The following TRPM3 variants were observed in gnomAD, a reference collection of about 807,000 sequenced individuals.
The protein encoded by TRPM3 is transient receptor potential cation channel subfamily M member 3, also known as long transient receptor potential channel 3.
In TRPM3, 77 loss-of-function variants were observed where a neutral mutation model predicts 181.2. The ratio of observed to expected loss-of-function variants is 0.42; its 90% CI spans 0.35 to 0.51. The LOEUF (loss-of-function observed/expected upper bound fraction) is 0.51, where lower values mean the gene tolerates loss of function less well. Among genes scored for constraint, TRPM3 ranks in the 20% least tolerant of loss-of-function variants. The probability of loss-of-function intolerance (pLI) is 0.01; values close to 1 mark genes in which losing one functional copy is unlikely to be tolerated. For synonymous variants in TRPM3, 745 were observed against 796.4 expected (o/e 0.94, Z 1.09); for missense variants, 1,759 against 2,196.7 (o/e 0.80, Z 3.98).
At chr9:71,372,186 C>A (rs1249585410) in intron 1 of TRPM3, among the ~76,000 whole-genome samples, 2 of 152,140 alleles carry the variant, frequency 1.3e-5, no homozygotes, top group Non-Finnish European at 2.9e-5. Context: ...GCACAGTACT[C>A]CATTATATAT....
intron 1 of TRPM3, among the ~76,000 whole-genome samples, chr9:71,316,168 T>C (rs2088570537): frequency 6.6e-6 from 1 of 152,208 alleles, no homozygotes; most frequent in African/African-American, 2.4e-5. Flanking sequence ...GATTGCTCTA[T>C]GTGCAAAGTG....
At chr9:71,139,214 A>C (rs1214288861) in intron 1 of TRPM3, among the ~76,000 whole-genome samples, 4 of 152,214 alleles carry the variant, frequency 2.6e-5, no homozygotes, top group East Asian at 1.9e-4. Context: ...AATTGATGGG[A>C]ACAGCATATT....
intron 1 of TRPM3, among the ~76,000 whole-genome samples, chr9:71,038,943 T>A (rs2058513551): frequency 6.6e-6 from 1 of 152,116 alleles, no homozygotes; most frequent in South Asian, 2.1e-4. Flanking sequence ...GAGGCAGTGG[T>A]AAAACAGTAT....
intron 9 of TRPM3, among the ~76,000 whole-genome samples, chr9:70,678,623 A>G (rs374195348): frequency 2.0e-4 from 30 of 152,290 alleles, no homozygotes; most frequent in African/African-American, 7.0e-4. Context: ...CTAGGGACCA[A>G]TGGGTCATTT....
chr9:70,837,319 C>G (rs1432629176), intron 5 of TRPM3, among the ~76,000 whole-genome samples: 1 of 152,108 alleles, frequency 6.6e-6, no homozygotes, highest in Non-Finnish European at 1.5e-5. Context: ...AAGATGGCAT[C>G]AAAAGAGCAC....
intron 9 of TRPM3, among the ~76,000 whole-genome samples, chr9:70,659,823 G>C (rs1382643707): frequency 1.3e-5 from 2 of 152,064 alleles, no homozygotes; most frequent in African/African-American, 2.4e-5. Flanking sequence ...AAAGCCCTGT[G>C]AACTGAAGCT....
At chr9:70,955,040 T>G (rs2097051740) in intron 1 of TRPM3, among the ~76,000 whole-genome samples, 2 of 152,202 alleles carry the variant, frequency 1.3e-5, no homozygotes. Context: ...CTATAGCTTC[T>G]GTGTATTTCC....
At chr9:71,140,180 C>T (rs975749098) in intron 1 of TRPM3, among the ~76,000 whole-genome samples, 1 of 152,102 alleles carries the variant, frequency 6.6e-6, no homozygotes, top group African/African-American at 2.4e-5. Flanking sequence ...AATCAAATGC[C>T]TTTATTATTT....
intron 1 of TRPM3, among the ~76,000 whole-genome samples, chr9:71,359,588 T>C (rs1167913581): frequency 6.6e-6 from 1 of 152,178 alleles, no homozygotes. Flanking sequence ...ACAAATATTA[T>C]GGGTGCCTCT....
intron 22 of TRPM3, among the ~76,000 whole-genome samples, chr9:70,587,598 G>A (rs1468713480): frequency 6.6e-6 from 1 of 152,144 alleles, no homozygotes; most frequent in African/African-American, 2.4e-5. Context: ...AATGAATTCT[G>A]CTGCTCCTCT....
chr9:70,644,517 C>A (rs573717203), intron 9 of TRPM3, among the ~76,000 whole-genome samples: 2 of 152,100 alleles, frequency 1.3e-5, no homozygotes, highest in African/African-American at 4.8e-5. Flanking sequence ...CCCCTTCATG[C>A]TAAAAACTCT....
intron 22 of TRPM3, among the ~76,000 whole-genome samples, chr9:70,587,899 TAAATC>T (rs778086355): frequency 1.6e-4 from 25 of 152,180 alleles, no homozygotes; most frequent in Non-Finnish European, 3.1e-4. Context: ...TCCCACGAAT[TAAATC>T]AAGGTGGTAG....
At chr9:71,320,368 C>A (rs2089099719) in intron 1 of TRPM3, among the ~76,000 whole-genome samples, 1 of 151,114 alleles carries the variant, frequency 6.6e-6, no homozygotes, top group Non-Finnish European at 1.5e-5. Context: ...ACTGAGCAAT[C>A]TCATGAAACA....
chr9:70,594,187 T>G (rs2132581386), intron 21 of TRPM3, among the ~76,000 whole-genome samples: 1 of 151,688 alleles, frequency 6.6e-6, no homozygotes, highest in South Asian at 2.1e-4. Context: ...CTTAATCTTG[T>G]TTTATTTTAT....
chr9:71,186,822 T>A (rs1489504521), intron 1 of TRPM3, among the ~76,000 whole-genome samples: 1 of 152,180 alleles, frequency 6.6e-6, no homozygotes, highest in East Asian at 1.9e-4. Flanking sequence ...ACTGATGCTT[T>A]GTACATGAAG....
At chr9:71,359,897 T>C (rs548531387) in intron 1 of TRPM3, among the ~76,000 whole-genome samples, 1 of 152,278 alleles carries the variant, frequency 6.6e-6, no homozygotes, top group African/African-American at 2.4e-5. Flanking sequence ...GGATGATCTA[T>C]ATAAAATACT....
At chr9:71,088,677 T>A (rs1032945674) in intron 1 of TRPM3, among the ~76,000 whole-genome samples, 30 of 152,200 alleles carry the variant, frequency 2.0e-4, no homozygotes, top group South Asian at 4.2e-4. Flanking sequence ...GTAATGAGGT[T>A]TCCTCATTTT....
At chr9:70,893,581 A>C (rs11142639) in intron 1 of TRPM3, among the ~76,000 whole-genome samples, 2 of 151,868 alleles carry the variant, frequency 1.3e-5, no homozygotes, top group African/African-American at 2.4e-5. Context: ...AATTTTGATG[A>C]CTTTGGGATT....
At position 70,862,973 on chromosome 9, in the gene TRPM3, G is replaced by GT. The variant is rs766949799; in HGVS notation, c.396dup (p.Leu133ThrfsTer11). The GT allele has an allele frequency of 6.2e-7, 1 of 1,613,766 alleles. No homozygotes were observed. On this transcript the variant is annotated frameshift_variant, in exon 3 of 26. Coordinates refer to ENST00000677713, the MANE Select transcript of TRPM3 (RefSeq NM_001366145.2). LOFTEE classifies it high-confidence loss of function. ...GTCCCAAAAGCATCCGTAGGGCTGA[G>GT]TTGAGTGTGTTTGCTGATGGACCAC...
Sources: allele counts gnomAD v4.1 joint callset (sites outside exome capture counted in the v4.1 genomes callset), GRCh38; gene constraint gnomAD v4.1.1; transcripts MANE v1.5; gene names NCBI Gene and HGNC (gene_info 2026-07-23, HGNC 2026-07-21).